The following RB1CC1 variants were observed in gnomAD, a reference collection of about 807,000 sequenced individuals.
RB1CC1 encodes RB1 inducible coiled-coil 1, also known as RB1-inducible coiled-coil protein 1.
RB1CC1 carries 46 observed loss-of-function variants against 177.5 expected under a neutral mutation model. That is an observed-to-expected ratio of 0.26 (90% confidence interval 0.20 to 0.33). The LOEUF is 0.33. Ranked by LOEUF, RB1CC1 falls within the 10% of genes least tolerant of loss-of-function variation. RB1CC1 has a pLI of 1.00. For synonymous variants in RB1CC1, 666 were observed against 613.6 expected, an observed-to-expected ratio of 1.09 and a Z score of -1.26; for missense variants, 1,703 against 1,816.3, an observed-to-expected ratio of 0.94 and a Z score of 1.13.
In RB1CC1 at chr8:52,658,991, T is replaced by C; in HGVS notation, c.1690-15A>G. 7.0e-7 allele frequency: 1 copy of C among 1,436,236 alleles called. No homozygotes were observed. The highest frequency in any genetic ancestry group is 9.3e-7 in the Non-Finnish European group (1 of 1,078,536). The allele number at this position is 1,436,236 out of a possible 1,614,324, so 89.0% of individuals were successfully genotyped here. On this transcript the variant is annotated splice_polypyrimidine_tract_variant and intron_variant, in intron 12 of 23. Coordinates refer to ENST00000025008, the MANE Select transcript of RB1CC1 (RefSeq NM_014781.5). The stretch of plus-strand genomic sequence containing the variant: ...GGCTTTTGAGTCTGTACCAAAAAAA[T>C]TAATTACTTAAAAAATTTTTTTTCA...
At chr8:52,709,207 CA>C (rs1856848789) in intron 1 of RB1CC1, among the ~76,000 whole-genome samples, 1 of 151,744 alleles carries the variant, frequency 6.6e-6, no homozygotes, top group African/African-American at 2.4e-5. Flanking sequence ...AACTCCATCT[CA>C]AAAAAATAAA....
intron 7 of RB1CC1, among the ~76,000 whole-genome samples, chr8:52,670,955 C>G (rs76988349): frequency 7.8e-6 from 1 of 128,090 alleles, no homozygotes; most frequent in East Asian, 2.4e-4. Flanking sequence ...GACTCCAACT[C>G]AAAAAAAAAA....
In RB1CC1 at chr8:52,656,772, CTTTT is replaced by C; in HGVS notation, c.3053_3056del (p.Lys1018ArgfsTer6). ...TTTGATTAATTATTTGTTGGTTTTC[CTTTT>C]TTAATTCCTCCAAAGAAACTCTGTG... On this transcript the variant is annotated frameshift_variant, in exon 15 of 24. Transcript: ENST00000025008. LOFTEE classifies it high-confidence loss of function. 6.2e-7 allele frequency: 1 copy of C among 1,613,606 alleles called. No individual in the cohort carries two copies. Among genetic ancestry groups the C allele is most frequent in the Non-Finnish European group, 8.5e-7 (1 of 1,179,910 alleles).
intron 8 of RB1CC1, among the ~76,000 whole-genome samples, chr8:52,662,997 T>C (rs1271808471): frequency 6.6e-6 from 1 of 152,136 alleles, no homozygotes; most frequent in Non-Finnish European, 1.5e-5. Context: ...CAAAAGCATG[T>C]AAGTACTGTA....
chr8:52,634,634 T>G (rs573486910), intron 20 of RB1CC1, among the ~76,000 whole-genome samples: 6 of 152,316 alleles, frequency 3.9e-5, no homozygotes, highest in African/African-American at 1.4e-4. Flanking sequence ...TTGATGATTT[T>G]AAGAATCTTA....
At chr8:52,688,924 G>T (rs1369085810) in intron 1 of RB1CC1, among the ~76,000 whole-genome samples, 1 of 152,118 alleles carries the variant, frequency 6.6e-6, no homozygotes, top group Non-Finnish European at 1.5e-5. Flanking sequence ...TTGGGGGTGG[G>T]TTCCCCCAAT....
intron 15 of RB1CC1, among the ~76,000 whole-genome samples, chr8:52,653,045 G>A (rs1316794469): frequency 9.2e-5 from 14 of 152,122 alleles, no homozygotes; most frequent in South Asian, 2.1e-4. Flanking sequence ...TAACAAGAGC[G>A]AAACTCCGTC....
chr8:52,712,257 G>A (rs975517865), intron 1 of RB1CC1, among the ~76,000 whole-genome samples: 3 of 152,064 alleles, frequency 2.0e-5, no homozygotes, highest in Non-Finnish European at 4.4e-5. Flanking sequence ...CTTTTAAAAA[G>A]ATATTCATAA....
chr8:52,688,478 C>T (rs564603259), intron 1 of RB1CC1, among the ~76,000 whole-genome samples: 70 of 152,122 alleles, frequency 4.6e-4, no homozygotes, highest in Non-Finnish European at 7.8e-4. Flanking sequence ...AGGCTTACTA[C>T]GGTGGTGGGG....
chr8:52,688,327 CTT>C (rs1225319506), intron 1 of RB1CC1, among the ~76,000 whole-genome samples: 1 of 152,196 alleles, frequency 6.6e-6, no homozygotes, highest in Non-Finnish European at 1.5e-5. Flanking sequence ...TTGCTAAACT[CTT>C]TTCCTAGCAA....
chr8:52,630,414 T>A, intron 21 of RB1CC1, 56 bp downstream of exon 21: 1 of 1,507,686 alleles, frequency 6.6e-7, no homozygotes, highest in Non-Finnish European at 8.9e-7. Flanking sequence ...ACATTTTCAT[T>A]AACAATTCAG....
In RB1CC1 at chr8:52,637,045, T is replaced by C. The variant is rs1849199596; in HGVS notation, c.4338-976A>G. Among the ~76,000 whole-genome samples the C allele has an allele frequency of 1.3e-5, 2 of 152,330 alleles. 1 individual carries two copies. The highest frequency in any genetic ancestry group is 6.8e-3 in the Middle Eastern group (2 of 294). On this transcript the variant is annotated intron_variant, in intron 18 of 23. Transcript: ENST00000025008. ...GACTTTGTTATTTTTCAAGATTGCT[T>C]TGGCTATTTTGGGACTCTTGCAATT... is the stretch of plus-strand genomic sequence containing the variant.
At chr8:52,653,126 C>T (rs1759183982) in intron 15 of RB1CC1, among the ~76,000 whole-genome samples, 1 of 152,088 alleles carries the variant, frequency 6.6e-6, no homozygotes, top group Non-Finnish European at 1.5e-5. Context: ...AGGAAGGCAT[C>T]CAAAGGCAGG....
At chr8:52,711,006 A>G (rs1325308929) in intron 1 of RB1CC1, among the ~76,000 whole-genome samples, 1 of 152,202 alleles carries the variant, frequency 6.6e-6, no homozygotes, top group African/African-American at 2.4e-5. Flanking sequence ...TCAGTGACAA[A>G]AAAAGGAAAT....
rs1005392626 is a variant in RB1CC1 at position 52,642,266 on chromosome 8, T to A, written c.4337+85A>T. ...TACATGGGCTGTGGACAACCAGTAA[T>A]GCTAAAAATATTTCCTCTCTTCAGA... On this transcript the variant is annotated intron_variant, in intron 18 of 23. Coordinates refer to ENST00000025008, the MANE Select transcript of RB1CC1 (RefSeq NM_014781.5). 61 of 1,487,878 alleles carry A rather than the reference T, an allele frequency of 4.1e-5. No individual in the cohort carries two copies. In the African/African-American group the frequency reaches 7.6e-4, roughly 18 times the overall value. 92.2% of individuals were successfully genotyped at this position (1,487,878 alleles called of 1,614,324 possible). A position where few individuals can be genotyped will look rare whatever the true frequency, so the allele number is the denominator to read the frequency against.
At position 52,641,105 on chromosome 8, in the gene RB1CC1, C is replaced by T. The variant is rs533770603; in HGVS notation, c.4337+1246G>A. 7.2e-4 allele frequency among the ~76,000 whole-genome samples: 110 copies of T among 152,006 alleles called. 1 individual carries two copies. The highest frequency in any genetic ancestry group is 2.5e-3 in the African/African-American group (105 of 41,480). On this transcript the variant is annotated intron_variant, in intron 18 of 23. Transcript: ENST00000025008. ...GTGCTCATTAAATTTAATGCCTGGC[C>T]GGGCGCGATGACTCACACCTGTAAT...
rs1172604874 is a variant in RB1CC1, at chr8:52,699,804, C to CAAAA, written c.-166-12841_-166-12838dup. Among the ~76,000 whole-genome samples the CAAAA allele has an allele frequency of 1.4e-3, 53 of 38,532 alleles. 2 individuals are homozygous for CAAAA. Among genetic ancestry groups the CAAAA allele is most frequent in the African/African-American group, 3.1e-3 (19 of 6,062 alleles). The allele number at this position is 38,532 out of a possible 152,430, so 25.3% of individuals were successfully genotyped here. ...ACTGCACTGCAGTGAATCTCCGTCT[C>CAAAA]AAAAAAAAAAAAAAAAAAAAAAAAA... On this transcript the variant is annotated intron_variant, in intron 1 of 23. Coordinates refer to ENST00000025008, the MANE Select transcript of RB1CC1 (RefSeq NM_014781.5).
chr8:52,694,379 C>A (rs1369519063), intron 1 of RB1CC1, among the ~76,000 whole-genome samples: 1 of 148,566 alleles, frequency 6.7e-6, no homozygotes, highest in African/African-American at 2.6e-5. Flanking sequence ...CCCGGGTAGT[C>A]CCCTGTGGAT....
rs35206503 is a variant in RB1CC1 at position 52,708,027 on chromosome 8, A to G, written c.-167+6048T>C. ...TCCTTTACGGTGCTAGGAATATACT[A>G]AAAGCTTTAAAAATGGTGGCAATTA... is the stretch of plus-strand genomic sequence containing the variant. On this transcript the variant is annotated intron_variant, in intron 1 of 23. Transcript: ENST00000025008. Among the ~76,000 whole-genome samples the G allele has an allele frequency of 8.2e-4, 125 of 152,332 alleles. 1 individual carries two copies. Among genetic ancestry groups the G allele is most frequent in the African/African-American group, 2.9e-3 (120 of 41,580 alleles).
Sources: gnomAD v4.1 joint callset for allele counts (sites outside exome capture counted in the v4.1 genomes callset) on GRCh38, gnomAD v4.1.1 for gene constraint, MANE v1.5 for transcripts, NCBI Gene and HGNC (gene_info 2026-07-23, HGNC 2026-07-21) for gene names.